Variants in ZNF827 observed in about 807,000 individuals in gnomAD.
ZNF827 encodes the protein zinc finger protein 827.
Under a neutral mutation model 102.4 loss-of-function variants are expected in ZNF827, and 13 were observed. That is an observed-to-expected ratio of 0.13 (90% CI 0.08 to 0.20). ZNF827 has a LOEUF of 0.20. Ranked by LOEUF, ZNF827 falls within the 10% of genes least tolerant of loss-of-function variation. ZNF827 has a pLI of 1.00. For synonymous variants in ZNF827, 523 were observed against 536.2 expected (o/e 0.98, Z 0.34); for missense variants, 1,103 against 1,344.4 (o/e 0.82, Z 2.81).
intron 4 of ZNF827, among the ~76,000 whole-genome samples, chr4:145,875,816 A>G (rs993027782): frequency 2.0e-5 from 3 of 152,198 alleles, no homozygotes; most frequent in African/African-American, 4.8e-5. Flanking sequence ...GGGACTACAG[A>G]GCAATGGTTT....
intron 13 of ZNF827, 65 bp downstream of exon 13, chr4:145,764,923 G>C: frequency 6.2e-7 from 1 of 1,605,268 alleles, no homozygotes; most frequent in Non-Finnish European, 8.5e-7. Context: ...GAAGGGACGG[G>C]GTAGGGAAGG....
intron 1 of ZNF827, among the ~76,000 whole-genome samples, chr4:145,912,871 T>C (rs1214536945): frequency 6.6e-6 from 1 of 152,226 alleles, no homozygotes; most frequent in African/African-American, 2.4e-5. Context: ...TTTGTGATAC[T>C]TTATTACAGC....
intron 1 of ZNF827, among the ~76,000 whole-genome samples, chr4:145,910,898 T>C (rs984918754): frequency 1.3e-5 from 2 of 152,168 alleles, no homozygotes; most frequent in Non-Finnish European, 2.9e-5. Context: ...AACCTCACTG[T>C]TTTTTAGAAT....
Position 145,897,259 on chromosome 4 carries a change from T to A in ZNF827, c.1094-4844A>T, listed in dbSNP as rs1751051309. On this transcript the variant is annotated intron_variant, in intron 2 of 14. Transcript: ENST00000508784. ...AATTTTTTTAAATCACGGAGGGTTG[T>A]AGTTGCTTAACTGCTTTAACACAAA... is the stretch of plus-strand genomic sequence containing the variant. 5.3e-5 allele frequency among the ~76,000 whole-genome samples: 8 copies of A among 152,232 alleles called. No homozygotes were observed. The South Asian group carries it at 1.7e-3, about 32-fold the overall frequency.
At chr4:145,877,820 A>G (rs1749273474) in intron 4 of ZNF827, among the ~76,000 whole-genome samples, 2 of 152,218 alleles carry the variant, frequency 1.3e-5, no homozygotes, top group African/African-American at 2.4e-5. Flanking sequence ...AACAGACAGG[A>G]TATCTCCCTC....
At chr4:145,851,280 A>C (rs1034563377) in intron 5 of ZNF827, among the ~76,000 whole-genome samples, 4 of 88,934 alleles carry the variant, frequency 4.5e-5, no homozygotes, top group Non-Finnish European at 1.1e-4. Flanking sequence ...TCAGATAGAT[A>C]GATAGATAGA....
chr4:145,851,796 A>T lies in ZNF827; in HGVS notation c.1982-2235T>A, dbSNP rs751664965. ...TGAATCAGTCAGTCATGATAAAAAA[A>T]TTTTTTTAAATAAAAAAAGAGAAGA... On this transcript the variant is annotated intron_variant, in intron 5 of 14. Transcript: ENST00000508784. Among the ~76,000 whole-genome samples the T allele has an allele frequency of 4.6e-5, 7 of 152,246 alleles. 1 individual carries two copies. The highest frequency in any genetic ancestry group is 2.1e-4 in the South Asian group (1 of 4,820).
At chr4:145,804,647 TTG>T (rs1741229947) in intron 8 of ZNF827, among the ~76,000 whole-genome samples, 1 of 152,240 alleles carries the variant, frequency 6.6e-6, no homozygotes, top group Admixed American at 6.5e-5. Flanking sequence ...AAAACTCATC[TTG>T]AACCTGAACC....
intron 7 of ZNF827, among the ~76,000 whole-genome samples, chr4:145,824,327 TA>T (rs1743450615): frequency 6.6e-6 from 1 of 152,166 alleles, no homozygotes; most frequent in Non-Finnish European, 1.5e-5. Context: ...AAAATGTGAA[TA>T]AGTACTGCGA....
chr4:145,920,039 A>C (rs973282471), intron 1 of ZNF827, among the ~76,000 whole-genome samples: 3 of 152,262 alleles, frequency 2.0e-5, no homozygotes, highest in African/African-American at 7.2e-5. Flanking sequence ...TAATATCTGC[A>C]ATTGTACAGG....
chr4:145,885,589 A>G (rs2126820997), intron 4 of ZNF827, 89 bp downstream of exon 4: 4 of 1,468,700 alleles, frequency 2.7e-6, no homozygotes, highest in Non-Finnish European at 3.6e-6. Flanking sequence ...TTTTACAAAT[A>G]AGAATACTGG....
At chr4:145,800,219 C>T (rs767323265) in intron 8 of ZNF827, among the ~76,000 whole-genome samples, 2 of 152,128 alleles carry the variant, frequency 1.3e-5, no homozygotes, top group African/African-American at 2.4e-5. Context: ...CACAGTTGTC[C>T]AGTTGTCTTT....
intron 8 of ZNF827, among the ~76,000 whole-genome samples, chr4:145,790,124 A>G (rs750716739): frequency 3.5e-4 from 53 of 152,264 alleles, no homozygotes; most frequent in Non-Finnish European, 6.9e-4. Context: ...TCAAGTGCAG[A>G]GTTACCTAAA....
At chr4:145,932,240 C>G (rs534472818) in intron 1 of ZNF827, among the ~76,000 whole-genome samples, 1 of 152,318 alleles carries the variant, frequency 6.6e-6, no homozygotes, top group East Asian at 1.9e-4. Context: ...AGCCAACGGT[C>G]TGAGACACCT....
intron 3 of ZNF827, among the ~76,000 whole-genome samples, chr4:145,886,425 T>C (rs936016189): frequency 4.6e-5 from 7 of 152,188 alleles, no homozygotes; most frequent in Admixed American, 4.6e-4. Flanking sequence ...AGCATCCCAC[T>C]ATTCTAGTCA....
chr4:145,811,920 C>G (rs1742051413), intron 8 of ZNF827, among the ~76,000 whole-genome samples: 2 of 141,024 alleles, frequency 1.4e-5, no homozygotes, highest in African/African-American at 2.5e-5. Flanking sequence ...TAACTCCAAG[C>G]TTTTTTTTTT....
chr4:145,812,194 G>A (rs983610240), intron 8 of ZNF827, among the ~76,000 whole-genome samples: 1 of 151,740 alleles, frequency 6.6e-6, no homozygotes, highest in Admixed American at 6.6e-5. Context: ...CCAAAGTACT[G>A]GAATTACAGG....
intron 4 of ZNF827, among the ~76,000 whole-genome samples, chr4:145,879,623 T>A (rs998251054): frequency 9.9e-5 from 15 of 152,212 alleles, no homozygotes; most frequent in Non-Finnish European, 1.9e-4. Context: ...GGTTTTCTCA[T>A]CTACATGCTT....
At chr4:145,886,224 C>A in intron 3 of ZNF827, 66 bp from the exon 4 acceptor site, 3 of 1,511,364 alleles carry the variant, frequency 2.0e-6, no homozygotes, top group Non-Finnish European at 2.6e-6. Flanking sequence ...TGCTGTAGAT[C>A]CAGACTATTC....
Sources: gnomAD v4.1 joint callset for allele counts (sites outside exome capture counted in the v4.1 genomes callset) on GRCh38, gnomAD v4.1.1 for gene constraint, MANE v1.5 for transcripts, NCBI Gene and HGNC (gene_info 2026-07-23, HGNC 2026-07-21) for gene names.